C6: variants seen among roughly 807,000 people sequenced by gnomAD.
C6 encodes the protein complement C6.
In C6, 101 loss-of-function variants were observed where a neutral mutation model predicts 112.9. The ratio of observed to expected loss-of-function variants is 0.89; its 90% confidence interval spans 0.76 to 1.06. The LOEUF is 1.06. C6 is among the 50% of genes least tolerant of loss of function. The pLI, the probability that C6 is intolerant of heterozygous loss-of-function variation, is 0.00. For missense variants in C6, 1,202 were observed against 1,104.6 expected, an observed-to-expected ratio of 1.09 and a Z score of -1.25; for synonymous variants, 431 against 384.1, an observed-to-expected ratio of 1.12 and a Z score of -1.43.
chr5:41,188,680 A>G (rs2150339842), intron 5 of C6, among the ~76,000 whole-genome samples: 1 of 152,192 alleles, frequency 6.6e-6, no homozygotes, highest in Non-Finnish European at 1.5e-5. Context: ...AGAAGACAAT[A>G]TAGGACTAAA....
intron 14 of C6, among the ~76,000 whole-genome samples, chr5:41,154,276 C>T (rs1311736792): frequency 6.6e-6 from 1 of 152,216 alleles, no homozygotes; most frequent in African/African-American, 2.4e-5. Flanking sequence ...GGGACCTTTT[C>T]CTTTCAAGAA....
At chr5:41,210,001 A>G (rs890327124) in intron 1 of C6, among the ~76,000 whole-genome samples, 2 of 152,218 alleles carry the variant, frequency 1.3e-5, no homozygotes, top group Non-Finnish European at 2.9e-5. Context: ...ACAGCATGGT[A>G]CTGGTACCAA....
At position 41,161,842 on chromosome 5, in the gene C6, C is replaced by T. The variant is rs755345453; in HGVS notation, c.1309G>A (p.Ala437Thr). The T allele has an allele frequency of 1.9e-6, 3 of 1,613,548 alleles. No individual in the cohort carries two copies. Among genetic ancestry groups the T allele is most frequent in the East Asian group, 2.2e-5 (1 of 44,830 alleles). Residue 437 changes from alanine to threonine, a missense_variant, in exon 10 of 18, where the codon GCA becomes ACA. Transcript: ENST00000337836. The part of the protein sequence containing the change: ...EKHEGSFIQG[A>T]EKSISLIRGG... ...CGAATCAGGGATATGGATTTCTCTG[C>T]TCCCTGTATAAATGAACCTGCAAGG... is the stretch of plus-strand genomic sequence containing the variant.
At chr5:41,145,323 C>T (rs776323835) in intron 17 of C6, among the ~76,000 whole-genome samples, 4 of 152,184 alleles carry the variant, frequency 2.6e-5, no homozygotes, top group Non-Finnish European at 4.4e-5. Flanking sequence ...TTCCCCAAGA[C>T]AATGATAAGT....
At chr5:41,254,816 A>G (rs930768094) in intron 1 of C6, among the ~76,000 whole-genome samples, 1 of 152,256 alleles carries the variant, frequency 6.6e-6, no homozygotes, top group South Asian at 2.1e-4. Flanking sequence ...GGAAGCACAC[A>G]GTGACTAGTC....
chr5:41,251,775 T>C (rs1741378140), intron 1 of C6, among the ~76,000 whole-genome samples: 1 of 152,190 alleles, frequency 6.6e-6, no homozygotes, highest in Admixed American at 6.5e-5. Flanking sequence ...TTCCTTTCAT[T>C]CTGGGATACT....
intron 1 of C6, among the ~76,000 whole-genome samples, chr5:41,207,873 C>T (rs187132506): frequency 1.2e-4 from 18 of 152,230 alleles, no homozygotes; most frequent in African/African-American, 3.4e-4. Context: ...CTGCACCAAG[C>T]GGACCTAATA....
intron 1 of C6, among the ~76,000 whole-genome samples, chr5:41,211,457 G>C (rs1433941655): frequency 6.6e-6 from 1 of 151,892 alleles, no homozygotes; most frequent in East Asian, 1.9e-4. Context: ...TAAGTAACTC[G>C]CCTTTCCTGG....
At chr5:41,226,242 A>C (rs1739491816) in intron 1 of C6, among the ~76,000 whole-genome samples, 1 of 152,190 alleles carries the variant, frequency 6.6e-6, no homozygotes, top group Non-Finnish European at 1.5e-5. Context: ...CAATGAACTC[A>C]AACAAATTTA....
intron 8 of C6, among the ~76,000 whole-genome samples, chr5:41,173,196 T>C (rs1748573007): frequency 6.6e-6 from 1 of 152,190 alleles, no homozygotes. Flanking sequence ...CATGGTCTTA[T>C]AACCTGCGAA....
intron 1 of C6, among the ~76,000 whole-genome samples, chr5:41,252,932 T>C (rs1184678703): frequency 1.3e-5 from 2 of 152,192 alleles, no homozygotes; most frequent in African/African-American, 4.8e-5. Flanking sequence ...TTTTGTCTCC[T>C]TAAAATGTGT....
chr5:41,172,900 T>A (rs566044488), intron 8 of C6, among the ~76,000 whole-genome samples: 1 of 152,170 alleles, frequency 6.6e-6, no homozygotes, highest in African/African-American at 2.4e-5. Context: ...CTCATTCTCA[T>A]ACCTCTCTGG....
At chr5:41,143,096 T>TG in intron 17 of C6, 90 bp from the exon 18 acceptor site, 1 of 1,167,846 alleles carries the variant, frequency 8.6e-7, no homozygotes, top group South Asian at 1.2e-5. Context: ...GCGAGCTCCT[T>TG]GATGGTGTTA....
intron 5 of C6, among the ~76,000 whole-genome samples, chr5:41,195,050 T>C (rs1175453019): frequency 1.3e-5 from 2 of 152,204 alleles, no homozygotes; most frequent in East Asian, 1.9e-4. Context: ...GGTCAGGTTA[T>C]GTAAGCTTTC....
chr5:41,156,925 T>C (rs1172891697), intron 13 of C6, among the ~76,000 whole-genome samples: 1 of 152,186 alleles, frequency 6.6e-6, no homozygotes, highest in South Asian at 2.1e-4. Flanking sequence ...GTAGACTGAC[T>C]AAACAAAAAA....
chr5:41,234,723 A>C (rs1740145946), intron 1 of C6, among the ~76,000 whole-genome samples: 2 of 152,156 alleles, frequency 1.3e-5, no homozygotes, highest in South Asian at 4.1e-4. Context: ...CTACAAGGGA[A>C]TACAATTAGT....
intron 5 of C6, among the ~76,000 whole-genome samples, chr5:41,189,809 A>C (rs34728787): frequency 0.53 from 80,403 of 151,720 alleles, 21,693 homozygotes; most frequent in African/African-American, 0.6. Context: ...CCTTATTCTA[A>C]TCTACTTGTA....
rs186457870 is a variant in C6 at position 41,248,268 on chromosome 5, G to C, written c.-21+12926C>G. Among the ~76,000 whole-genome samples the C allele has an allele frequency of 1.1e-3, 162 of 152,286 alleles. 1 individual carries two copies. Among genetic ancestry groups the C allele is most frequent in the Admixed American group, 7.8e-3 (120 of 15,298 alleles). On this transcript the variant is annotated intron_variant, in intron 1 of 17. Coordinates refer to the C6 transcript ENST00000263413. ...CATTCTGGACCTCAGCCTTGGGAAA[G>C]AATTTATGATTAAGCCCTCAAAAGC...
intron 1 of C6, among the ~76,000 whole-genome samples, chr5:41,228,433 T>C (rs922431039): frequency 6.6e-6 from 1 of 152,144 alleles, no homozygotes; most frequent in Non-Finnish European, 1.5e-5. Flanking sequence ...TCCTTTCCCA[T>C]TTGGATATCT....
Sources: gnomAD v4.1 joint callset for allele counts (sites outside exome capture counted in the v4.1 genomes callset) on GRCh38, gnomAD v4.1.1 for gene constraint, MANE v1.5 for transcripts, NCBI Gene and HGNC (gene_info 2026-07-23, HGNC 2026-07-21) for gene names.